AVEN: variants seen among roughly 807,000 people sequenced by gnomAD.
AVEN encodes cell death regulator Aven.
AVEN carries 41 observed loss-of-function variants against 38.1 expected under a neutral mutation model. The observed-to-expected ratio is 1.08, with a 90% CI of 0.84 to 1.40. The LOEUF is 1.40. AVEN is among the 40% of genes most tolerant of loss of function. The pLI is 0.00. For missense variants in AVEN, 605 were observed against 438.8 expected, an observed-to-expected ratio of 1.38 and a Z score of -3.38; for synonymous variants, 206 against 171.8, an observed-to-expected ratio of 1.20 and a Z score of -1.56.
At chr15:33,875,565 GT>G (rs1891187318) in intron 3 of AVEN, among the ~76,000 whole-genome samples, 1 of 152,194 alleles carries the variant, frequency 6.6e-6, no homozygotes, top group Non-Finnish European at 1.5e-5. Context: ...ACCAAAAACA[GT>G]GAGAGACAGA....
intron 4 of AVEN, among the ~76,000 whole-genome samples, chr15:33,869,708 G>C (rs1417030106): frequency 6.6e-6 from 1 of 152,156 alleles, no homozygotes; most frequent in Non-Finnish European, 1.5e-5. Context: ...TACAGCAAAT[G>C]AATGGGTAAC....
At chr15:33,873,157 T>C (rs1406291219) in intron 3 of AVEN, among the ~76,000 whole-genome samples, 3 of 136,664 alleles carry the variant, frequency 2.2e-5, no homozygotes, top group African/African-American at 8.2e-5. Flanking sequence ...TGGAGTGCAA[T>C]GGCACGATCT....
At chr15:33,854,776 A>G, downstream of AVEN, 1 of 1,608,400 alleles carries the variant, frequency 6.2e-7, no homozygotes, top group Non-Finnish European at 8.5e-7. Flanking sequence ...TCCTTTCTCT[A>G]CCTTGCCTGG....
At chr15:33,862,620 G>A (rs981445614), downstream of AVEN, among the ~76,000 whole-genome samples, 3 of 152,030 alleles carry the variant, frequency 2.0e-5, no homozygotes, top group Non-Finnish European at 1.5e-5. Context: ...CATGAGTTTT[G>A]TTTTTTTATT....
intron 2 of AVEN, among the ~76,000 whole-genome samples, chr15:33,903,326 G>A (rs1212545965): frequency 6.6e-6 from 1 of 152,232 alleles, no homozygotes; most frequent in Non-Finnish European, 1.5e-5. Context: ...CAGTGCTCAT[G>A]TGTGCAGCAA....
At chr15:33,864,846 T>C, downstream of AVEN, 1 of 350,738 alleles carries the variant, frequency 2.9e-6, no homozygotes, top group Non-Finnish European at 5.2e-6. Flanking sequence ...AGCTTATTGC[T>C]AAATCTTTAA....
chr15:33,961,717 G>A (rs1895185394), intron 2 of AVEN, among the ~76,000 whole-genome samples: 1 of 150,304 alleles, frequency 6.7e-6, no homozygotes, highest in Admixed American at 6.7e-5. Flanking sequence ...GGAGGCTGAG[G>A]CAGGAGAATG....
downstream of AVEN, chr15:33,864,203 AAT>A (rs773468148): frequency 1.2e-5 from 20 of 1,600,084 alleles, no homozygotes; most frequent in Non-Finnish European, 1.6e-5. Context: ...AGAAATTAAG[AAT>A]CATATACCCG....
intron 1 of AVEN, among the ~76,000 whole-genome samples, chr15:34,071,713 T>A (rs1410138649): frequency 1.3e-5 from 2 of 152,212 alleles, no homozygotes; most frequent in Non-Finnish European, 2.9e-5. Context: ...TATAGTGCAC[T>A]GCAGTGGAAA....
At chr15:33,866,856 T>C (rs1444414592) in intron 5 of AVEN, 128 bp from the exon 6 acceptor site, 6 of 670,658 alleles carry the variant, frequency 8.9e-6, no homozygotes, top group African/African-American at 7.3e-5. Flanking sequence ...CCTAAGATGA[T>C]ACAGTAATAT....
chr15:33,901,215 G>A lies in AVEN; in HGVS notation c.446-25220C>T, dbSNP rs994726052. Among the ~76,000 whole-genome samples the A allele has an allele frequency of 6.6e-5, 10 of 152,040 alleles. No individual in the cohort carries two copies. The East Asian group carries it at 7.7e-4, about 12-fold the overall frequency. On this transcript the variant is annotated intron_variant, in intron 2 of 5. Coordinates refer to ENST00000306730, the MANE Select transcript of AVEN (RefSeq NM_020371.3). The stretch of plus-strand genomic sequence containing the variant: ...CCGGGAGGCGGAGCTTGCAGTGAGC[G>A]GAGATCGCACCACTGCACTCCAGCC...
At chr15:34,038,701 T>C in intron 1 of AVEN, 79 bp downstream of exon 1, 6 of 1,095,806 alleles carry the variant, frequency 5.5e-6, no homozygotes, top group Non-Finnish European at 6.7e-6. Flanking sequence ...CACGCTCTCT[T>C]GCGGCTCTTG....
chr15:33,898,343 T>C (rs1892335347), intron 2 of AVEN, among the ~76,000 whole-genome samples: 1 of 152,226 alleles, frequency 6.6e-6, no homozygotes, highest in Non-Finnish European at 1.5e-5. Flanking sequence ...GGCAGCCTTG[T>C]ACAGGACCAC....
At chr15:34,053,299 CAAAAAAAAA>C (rs71454513) in intron 5 of AVEN, among the ~76,000 whole-genome samples, 1 of 51,540 alleles carries the variant, frequency 1.9e-5, no homozygotes, top group Non-Finnish European at 3.2e-5. Context: ...GACTCCATCT[CAAAAAAAAA>C]AAAAAAAAAA....
At chr15:34,016,520 G>C (rs1365637899) in intron 1 of AVEN, among the ~76,000 whole-genome samples, 1 of 151,956 alleles carries the variant, frequency 6.6e-6, no homozygotes, top group East Asian at 1.9e-4. Context: ...CCACACTTCA[G>C]TCAAAAGTAT....
intron 2 of AVEN, among the ~76,000 whole-genome samples, chr15:33,936,600 T>C (rs547366727): frequency 1.3e-5 from 2 of 152,260 alleles, no homozygotes; most frequent in South Asian, 2.1e-4. Flanking sequence ...AAACAAAATC[T>C]ATACATTTGG....
intron 2 of AVEN, among the ~76,000 whole-genome samples, chr15:33,916,816 GA>G (rs1042238464): frequency 5.0e-4 from 72 of 143,618 alleles, no homozygotes; most frequent in Middle Eastern, 3.7e-3. Context: ...GGGTAATTTA[GA>G]AAAAAAAAAA....
At chr15:33,867,896 T>C in intron 4 of AVEN, 41 bp from the exon 5 acceptor site, 1 of 1,524,530 alleles carries the variant, frequency 6.6e-7, no homozygotes, top group Non-Finnish European at 8.8e-7. Flanking sequence ...AATGTGAGTC[T>C]TGCCATATTG....
chr15:33,892,325 G>A (rs1225294967), intron 2 of AVEN, among the ~76,000 whole-genome samples: 1 of 152,236 alleles, frequency 6.6e-6, no homozygotes, highest in African/African-American at 2.4e-5. Flanking sequence ...GAATGGTATT[G>A]CCTAGGTTTT....
Sources: allele counts gnomAD v4.1 joint callset (sites outside exome capture counted in the v4.1 genomes callset), GRCh38; gene constraint gnomAD v4.1.1; transcripts MANE v1.5; gene names NCBI Gene and HGNC (gene_info 2026-07-23, HGNC 2026-07-21).